Variants in RALGDS observed in about 807,000 individuals in gnomAD.
RALGDS encodes ral guanine nucleotide exchange factor.
A neutral mutation model predicts 99.8 loss-of-function variants in RALGDS; 44 were observed. The observed-to-expected ratio is 0.44, with a 90% CI of 0.35 to 0.57. RALGDS has a LOEUF of 0.57. RALGDS is among the 20% of genes least tolerant of loss of function. RALGDS has a pLI of 0.01. For missense variants in RALGDS, 1,022 were observed against 1,203.1 expected (o/e 0.85, Z 2.23); for synonymous variants, 529 against 505.0 (o/e 1.05, Z -0.64).
chr9:133,120,421 TCCCCCGA>T (rs1831860962), intron 1 of RALGDS, among the ~76,000 whole-genome samples: 1 of 64,716 alleles, frequency 1.5e-5, no homozygotes, highest in African/African-American at 5.7e-5. Flanking sequence ...CTCCACCCCA[TCCCCCGA>T]CCCCCCCCCC....
At chr9:133,123,373 T>TA (rs1450349805), upstream of RALGDS, among the ~76,000 whole-genome samples, 4 of 152,142 alleles carry the variant, frequency 2.6e-5, no homozygotes, top group Admixed American at 2.6e-4. Context: ...CATGAGGACA[T>TA]AGAGGAATCA....
In RALGDS at chr9:133,106,699, G is replaced by C. The variant is rs774953933; in HGVS notation, c.1463C>G (p.Ala488Gly). ...ACGGTGGATGGAGTTGCTCTGCAGG[G>C]CAGAGAGGATGGCATACAGTGACGA... ...NFSSLYAILS[A>G]LQSNSIHRLK... The change falls in exon 8 of 18, where the codon GCC (alanine) becomes GGC (glycine). Residue 488 changes from alanine (A) to glycine (G), a missense_variant. Coordinates refer to ENST00000372050, the MANE Select transcript of RALGDS (RefSeq NM_006266.4). 6.2e-7 allele frequency: 1 copy of C among 1,612,922 alleles called. No individual in the cohort carries two copies. Among genetic ancestry groups the C allele is most frequent in the Non-Finnish European group, 8.5e-7 (1 of 1,179,644 alleles).
At position 133,102,809 on chromosome 9, in the gene RALGDS, C is replaced by T. The variant is rs149879030; in HGVS notation, c.1883G>A (p.Arg628Gln). Reference protein sequence around the residue: ...APDEQFGAWFRAVERLSETES... With the variant: ...APDEQFGAWFQAVERLSETES... ...AGTCTCGCTGAGCCGCTCCACGGCC[C>T]GGAACCAGGCCCCAAATTGCTCATC... Residue 628 changes from arginine to glutamine, a missense_variant, in exon 13 of 18, where the codon CGG (arginine) becomes CAG (glutamine). By Grantham distance (43) the Arg-to-Gln change is conservative. This residue lies in a region of RALGDS where 825 missense variants were observed against 994.5 expected (regional missense o/e 0.83). Coordinates refer to ENST00000372050, the MANE Select transcript of RALGDS (RefSeq NM_006266.4). 6.3e-5 allele frequency: 102 copies of T among 1,613,140 alleles called. No homozygotes were observed. Among genetic ancestry groups the T allele is most frequent in the East Asian group, 2.0e-4 (9 of 44,888 alleles).
chr9:133,120,380 A>C (rs1831857270), intron 1 of RALGDS, among the ~76,000 whole-genome samples: 1 of 151,348 alleles, frequency 6.6e-6, no homozygotes, highest in Non-Finnish European at 1.5e-5. Flanking sequence ...CACCACCAGG[A>C]CATCTGGTCC....
chr9:133,111,814 T>C (rs1199680284), intron 2 of RALGDS, among the ~76,000 whole-genome samples: 2 of 152,162 alleles, frequency 1.3e-5, no homozygotes, highest in African/African-American at 4.8e-5. Context: ...CTACTCCAGA[T>C]GGTGTGCACA....
chr9:133,103,419 G>A (rs1002994816), intron 11 of RALGDS, among the ~76,000 whole-genome samples, 157 bp from the exon 12 acceptor site: 4 of 152,154 alleles, frequency 2.6e-5, no homozygotes, highest in Non-Finnish European at 5.9e-5. Context: ...GGGGACATGC[G>A]GGCAGAGGCT....
At chr9:133,113,429 G>A (rs1163500452) in intron 1 of RALGDS, among the ~76,000 whole-genome samples, 2 of 152,142 alleles carry the variant, frequency 1.3e-5, no homozygotes, top group Non-Finnish European at 2.9e-5. Context: ...CGCCTCCCAC[G>A]CTGGGCTTTG....
intron 1 of RALGDS, among the ~76,000 whole-genome samples, chr9:133,138,993 G>T (rs1832471631): frequency 6.6e-6 from 1 of 152,102 alleles, no homozygotes; most frequent in African/African-American, 2.4e-5. Context: ...ACTCACTGTG[G>T]CAACGTGCTG....
chr9:133,107,057 G>A (rs779597087), intron 7 of RALGDS, 28 bp downstream of exon 7: 17 of 1,609,090 alleles, frequency 1.1e-5, no homozygotes, highest in Non-Finnish European at 1.4e-5. Flanking sequence ...AAGCCAAAGT[G>A]GGGGCCCAGG....
In RALGDS at chr9:133,107,069, C is replaced by T; in HGVS notation, c.1413+16G>A. The T allele has an allele frequency of 6.2e-7, 1 of 1,612,860 alleles. No individual in the cohort carries two copies. Among genetic ancestry groups the T allele is most frequent in the South Asian group, 1.1e-5 (1 of 91,080 alleles). ...ATGAAGCCAAAGTGGGGGCCCAGGC[C>T]CCTCCTCTGGCATACCCTGGCCACC... On this transcript the variant is annotated intron_variant, in intron 7 of 17. Transcript: ENST00000372050.
intron 1 of RALGDS, among the ~76,000 whole-genome samples, chr9:133,114,834 T>C (rs1831521279): frequency 6.6e-6 from 1 of 152,244 alleles, no homozygotes; most frequent in African/African-American, 2.4e-5. Context: ...AGTCGGCAGC[T>C]GTGCCTGTAA....
Position 133,110,258 on chromosome 9 carries a change from CCCCTGTGCA to C in RALGDS, c.488+29_488+37del, listed in dbSNP as rs552907412. ...AGCCAGGTGGGGGTGGGGGCGAGGG[CCCCTGTGCA>C]CCCTGTGCAGTGGAGGGCTCATGCT... On this transcript the variant is annotated intron_variant, in intron 3 of 17. Transcript: ENST00000372050. 6.4e-5 allele frequency: 102 copies of C among 1,591,146 alleles called. No homozygotes were observed. In the East Asian group the frequency reaches 1.5e-3, roughly 23 times the overall value.
In RALGDS at chr9:133,108,392, G is replaced by C; in HGVS notation, c.793C>G (p.Pro265Ala). 1 of 1,536,764 alleles carries C rather than the reference G, an allele frequency of 6.5e-7. No individual in the cohort carries two copies. Among genetic ancestry groups the C allele is most frequent in the African/African-American group, 1.4e-5 (1 of 73,162 alleles). The change falls in exon 6 of 18, where the codon CCA becomes GCA. Residue 265 changes from proline to alanine, a missense_variant. Coordinates refer to ENST00000372050, the MANE Select transcript of RALGDS (RefSeq NM_006266.4). ...AGCTCTGGAGTTGGTTTTAGAGCTG[G>C]CACTGGTGACAGAGCTGCAAGAGGA... ...EAEPEALSPV[P>A]ALKPTPELEL...
chr9:133,134,428 A>C (rs1832393183), upstream of RALGDS, among the ~76,000 whole-genome samples: 1 of 152,230 alleles, frequency 6.6e-6, no homozygotes, highest in Non-Finnish European at 1.5e-5. Flanking sequence ...TTTTCCAGAC[A>C]GCCTCTGCCA....
rs184326682 is a variant in RALGDS at position 133,129,244 on chromosome 9, G to A, written c.132+1708C>T. 35 of 1,597,194 alleles carry A rather than the reference G, an allele frequency of 2.2e-5. No individual in the cohort carries two copies. The East Asian group carries it at 7.4e-4, about 34-fold the overall frequency. On this transcript the variant is annotated intron_variant, in intron 1 of 17. Transcript: ENST00000372062. ...TCCTGGCGGTCACCACAGAGACACA[G>A]GCAAAGAACACAGAGCCCTTCCTCC...
At chr9:133,105,872 C>T (rs56830704) in intron 9 of RALGDS, 60 bp downstream of exon 9, 1 of 27,156 alleles carries the variant, frequency 3.7e-5, no homozygotes, top group African/African-American at 1.5e-4. Flanking sequence ...CCCCAGCCCC[C>T]GCCCCAGCCC....
chr9:133,131,191 T>A, upstream of RALGDS: 1 of 1,353,732 alleles, frequency 7.4e-7, no homozygotes. Context: ...TTTGTGGGCC[T>A]TAGGGGACCC....
intron 10 of RALGDS, 78 bp downstream of exon 10, chr9:133,104,185 C>A: frequency 6.9e-7 from 1 of 1,450,890 alleles, no homozygotes; most frequent in South Asian, 1.1e-5. Flanking sequence ...CCATAGGCAC[C>A]GTGGCTAGAG....
rs1238890547 is a variant in RALGDS at position 133,121,000 on chromosome 9, T to C, written c.155A>G (p.Gln52Arg). The change falls in exon 1 of 18, where the codon CAG (glutamine) becomes CGG (arginine). Residue 52 changes from glutamine (Q) to arginine (R), a missense_variant. Coordinates refer to ENST00000372050, the MANE Select transcript of RALGDS (RefSeq NM_006266.4). The stretch of plus-strand genomic sequence containing the variant: ...CGGGCGCGGCAGGTCGGGGTCTAGC[T>C]GCGTGAAGCTGTGCAGCACCACCGG... ...SCPVVLHSFT[Q>R]LDPDLPRPES... The C allele has an allele frequency of 1.3e-6, 2 of 1,491,822 alleles. No homozygotes were observed. The allele number at this position is 1,491,822 out of a possible 1,614,324, so 92.4% of individuals were successfully genotyped here. A position where few individuals can be genotyped will look rare whatever the true frequency, so the allele number is the denominator to read the frequency against.
Sources: gnomAD v4.1 joint callset for allele counts (sites outside exome capture counted in the v4.1 genomes callset) on GRCh38, gnomAD v4.1.1 for gene constraint, gnomAD v4.1.1 regional missense constraint, MANE v1.5 for transcripts, NCBI Gene and HGNC (gene_info 2026-07-23, HGNC 2026-07-21) for gene names.